Variants in MOXD1 observed in about 807,000 individuals in gnomAD.
The protein encoded by MOXD1 is DBH-like monooxygenase protein 1.
In MOXD1, 62 loss-of-function variants were observed where a neutral mutation model predicts 66.6. The observed-to-expected ratio is 0.93, with a 90% CI of 0.76 to 1.15. The LOEUF is 1.15. MOXD1 is among the 50% of genes most tolerant of loss of function. The probability of loss-of-function intolerance (pLI) is 0.00; values close to 1 mark genes in which losing one functional copy is unlikely to be tolerated. For synonymous variants in MOXD1, 303 were observed against 281.9 expected (o/e 1.07, Z -0.75); for missense variants, 847 against 754.6 (o/e 1.12, Z -1.44).
intron 4 of MOXD1, among the ~76,000 whole-genome samples, chr6:132,340,005 G>T (rs1397898755): frequency 1.3e-5 from 2 of 151,954 alleles, no homozygotes; most frequent in Admixed American, 1.3e-4. Flanking sequence ...GAATAGCTGG[G>T]ATTACAGGCA....
At chr6:132,380,771 C>T (rs1041786033) in intron 1 of MOXD1, among the ~76,000 whole-genome samples, 1 of 152,148 alleles carries the variant, frequency 6.6e-6, no homozygotes, top group African/African-American at 2.4e-5. Flanking sequence ...CCCATTTGCT[C>T]TTAATTATAT....
chr6:132,328,717 G>T lies in MOXD1; in HGVS notation c.664-123C>A. 4.3e-6 allele frequency: 4 copies of T among 928,326 alleles called. No homozygotes were observed. In the Admixed American group the frequency reaches 8.2e-5, roughly 19 times the overall value. The allele number at this position is 928,326 out of a possible 1,614,324, so 57.5% of individuals were successfully genotyped here. ...TCAAAGGGATATTCTTCTCAATTAT[G>T]TCAAGGTTGTGTAGTTCAAGTCTAA... is the stretch of plus-strand genomic sequence containing the variant. On this transcript the variant is annotated intron_variant, in intron 4 of 11. Transcript: ENST00000367963.
intron 1 of MOXD1, among the ~76,000 whole-genome samples, chr6:132,398,998 T>A (rs569514688): frequency 6.6e-6 from 1 of 151,122 alleles, no homozygotes; most frequent in East Asian, 1.9e-4. Flanking sequence ...GAAAATACTC[T>A]TCTCACACTA....
At chr6:132,364,893 G>T (rs1776088881) in intron 4 of MOXD1, among the ~76,000 whole-genome samples, 1 of 152,088 alleles carries the variant, frequency 6.6e-6, no homozygotes, top group Non-Finnish European at 1.5e-5. Context: ...ACACTAGTAG[G>T]CTGAGGAGCC....
chr6:132,386,666 A>G (rs573466683), intron 1 of MOXD1, among the ~76,000 whole-genome samples: 5 of 151,594 alleles, frequency 3.3e-5, no homozygotes, highest in African/African-American at 1.2e-4. Context: ...GTTGGAAGAC[A>G]GGCTGAAGGA....
intron 7 of MOXD1, among the ~76,000 whole-genome samples, chr6:132,323,365 C>T (rs1487505519): frequency 6.6e-6 from 1 of 152,198 alleles, no homozygotes; most frequent in Non-Finnish European, 1.5e-5. Flanking sequence ...AATCTTTCCA[C>T]TTCACCAGTC....
intron 6 of MOXD1, among the ~76,000 whole-genome samples, chr6:132,324,365 C>T (rs1775143560): frequency 6.6e-6 from 1 of 152,092 alleles, no homozygotes; most frequent in South Asian, 2.1e-4. Flanking sequence ...GAAATGTTTC[C>T]GTTATCTGGC....
At chr6:132,337,613 C>T (rs1775467502) in intron 4 of MOXD1, among the ~76,000 whole-genome samples, 1 of 152,140 alleles carries the variant, frequency 6.6e-6, no homozygotes, top group Non-Finnish European at 1.5e-5. Flanking sequence ...GATTTACAGT[C>T]ATTTATTTTT....
chr6:132,373,600 G>A (rs1357023897), intron 2 of MOXD1, among the ~76,000 whole-genome samples: 1 of 152,108 alleles, frequency 6.6e-6, no homozygotes, highest in African/African-American at 2.4e-5. Flanking sequence ...ATTTCCTAGG[G>A]ACTGGTTTAC....
At chr6:132,375,513 C>T (rs1212839367) in intron 1 of MOXD1, among the ~76,000 whole-genome samples, 1 of 152,174 alleles carries the variant, frequency 6.6e-6, no homozygotes, top group Non-Finnish European at 1.5e-5. Flanking sequence ...CAAGCTCCAC[C>T]TCCCAGGGTT....
chr6:132,378,250 T>A (rs1200310634), intron 1 of MOXD1, among the ~76,000 whole-genome samples: 1 of 152,196 alleles, frequency 6.6e-6, no homozygotes, highest in Non-Finnish European at 1.5e-5. Context: ...TTTAACATGT[T>A]TACTTCAGCT....
chr6:132,368,682 T>TTTA (rs1776196284), intron 4 of MOXD1, among the ~76,000 whole-genome samples: 3 of 152,088 alleles, frequency 2.0e-5, no homozygotes, highest in Non-Finnish European at 4.4e-5. Context: ...AAATTTAAAT[T>TTTA]TTAAATGTAA....
chr6:132,345,747 G>T (rs112300443), intron 4 of MOXD1, among the ~76,000 whole-genome samples: 1 of 151,902 alleles, frequency 6.6e-6, no homozygotes. Flanking sequence ...CTAGAACAAC[G>T]GAGTTTTCTT....
At chr6:132,383,097 C>A (rs1011746250) in intron 1 of MOXD1, among the ~76,000 whole-genome samples, 1 of 152,196 alleles carries the variant, frequency 6.6e-6, no homozygotes, top group African/African-American at 2.4e-5. Context: ...TTTTCTTCAA[C>A]AGGTGCTTGT....
chr6:132,334,706 G>C (rs1402369820), intron 4 of MOXD1, among the ~76,000 whole-genome samples: 1 of 152,162 alleles, frequency 6.6e-6, no homozygotes, highest in African/African-American at 2.4e-5. Flanking sequence ...TCATTATTTT[G>C]ATGAGAGAGG....
At chr6:132,328,779 T>A (rs1266393024) in intron 4 of MOXD1, among the ~76,000 whole-genome samples, 185 bp from the exon 5 acceptor site, 2 of 152,204 alleles carry the variant, frequency 1.3e-5, no homozygotes, top group East Asian at 3.9e-4. Flanking sequence ...AAAGATATGA[T>A]GATGACAACG....
intron 1 of MOXD1, among the ~76,000 whole-genome samples, chr6:132,396,319 A>G (rs1022814913): frequency 1.3e-5 from 2 of 151,526 alleles, no homozygotes; most frequent in Non-Finnish European, 2.9e-5. Flanking sequence ...ATTAAAGAGG[A>G]AAAAAAAATT....
At chr6:132,316,941 C>G (rs1774973524) in intron 9 of MOXD1, among the ~76,000 whole-genome samples, 1 of 151,766 alleles carries the variant, frequency 6.6e-6, no homozygotes. Flanking sequence ...AGAAGCTCAA[C>G]AAAAACCAAA....
At chr6:132,314,826 C>T (rs531313754) in intron 10 of MOXD1, among the ~76,000 whole-genome samples, 11 of 152,126 alleles carry the variant, frequency 7.2e-5, no homozygotes, top group Non-Finnish European at 1.6e-4. Context: ...ACCTCTCCCT[C>T]ACTCCAGAAT....
Sources: gnomAD v4.1 joint callset for allele counts (sites outside exome capture counted in the v4.1 genomes callset) on GRCh38, gnomAD v4.1.1 for gene constraint, MANE v1.5 for transcripts, NCBI Gene and HGNC (gene_info 2026-07-23, HGNC 2026-07-21) for gene names.